Variants in KCND3 observed in about 807,000 individuals in gnomAD.
KCND3 encodes A-type voltage-gated potassium channel KCND3.
In KCND3, 9 loss-of-function variants were observed where a neutral mutation model predicts 51.1. The observed-to-expected ratio is 0.18, with a 90% CI of 0.11 to 0.31. The LOEUF is 0.31. Ranked by LOEUF, KCND3 falls within the 10% of genes least tolerant of loss-of-function variation. The probability of loss-of-function intolerance (pLI) is 1.00; values close to 1 mark genes in which losing one functional copy is unlikely to be tolerated. For synonymous variants in KCND3, 349 were observed against 368.0 expected (o/e 0.95, Z 0.59); for missense variants, 526 against 903.8 (o/e 0.58, Z 5.36).
chr1:111,858,940 T>C (rs1156477190), intron 2 of KCND3, among the ~76,000 whole-genome samples: 3 of 152,220 alleles, frequency 2.0e-5, no homozygotes, highest in African/African-American at 7.2e-5. Context: ...GCTAACTTTA[T>C]TCAGATCTTT....
At chr1:111,837,643 G>A (rs980740579) in intron 2 of KCND3, among the ~76,000 whole-genome samples, 31 of 152,288 alleles carry the variant, frequency 2.0e-4, no homozygotes, top group African/African-American at 7.5e-4. Flanking sequence ...AGACTCCCAA[G>A]GGCCGTCGAT....
intron 2 of KCND3, among the ~76,000 whole-genome samples, chr1:111,868,612 A>G (rs1668691172): frequency 6.6e-6 from 1 of 152,240 alleles, no homozygotes; most frequent in Non-Finnish European, 1.5e-5. Flanking sequence ...ACCATTTATT[A>G]AGCATTTACT....
At chr1:111,959,871 C>T (rs1449888004) in intron 2 of KCND3, among the ~76,000 whole-genome samples, 1 of 152,084 alleles carries the variant, frequency 6.6e-6, no homozygotes, top group African/African-American at 2.4e-5. Flanking sequence ...CCGTAATCCC[C>T]ATATGTTGTG....
intron 2 of KCND3, among the ~76,000 whole-genome samples, chr1:111,938,442 A>G (rs1672323511): frequency 6.6e-6 from 1 of 152,224 alleles, no homozygotes; most frequent in Admixed American, 6.5e-5. Context: ...GAAATAAAGC[A>G]GTGAAGTCCC....
intron 2 of KCND3, among the ~76,000 whole-genome samples, chr1:111,831,204 C>T (rs531158438): frequency 6.6e-6 from 1 of 152,150 alleles, no homozygotes; most frequent in Non-Finnish European, 1.5e-5. Flanking sequence ...TCCTGAATGC[C>T]TTTACCTTTT....
At chr1:111,985,249 C>T (rs890262048) in intron 1 of KCND3, among the ~76,000 whole-genome samples, 5 of 152,130 alleles carry the variant, frequency 3.3e-5, no homozygotes, top group African/African-American at 9.7e-5. Flanking sequence ...TTACATGGAG[C>T]GTCTCAAGAG....
intron 2 of KCND3, among the ~76,000 whole-genome samples, chr1:111,828,111 C>T (rs147087020): frequency 1.3e-5 from 2 of 152,288 alleles, no homozygotes; most frequent in African/African-American, 4.8e-5. Context: ...CGCTCTGCCC[C>T]AAGCAGCAGC....
At chr1:111,868,898 C>T (rs1051482379) in intron 2 of KCND3, among the ~76,000 whole-genome samples, 2 of 152,152 alleles carry the variant, frequency 1.3e-5, no homozygotes, top group African/African-American at 4.8e-5. Context: ...CATGTGCCAC[C>T]ACATCCAGTT....
At chr1:111,927,593 C>A (rs61788924) in intron 2 of KCND3, among the ~76,000 whole-genome samples, 1 of 152,212 alleles carries the variant, frequency 6.6e-6, no homozygotes, top group African/African-American at 2.4e-5. Flanking sequence ...ATGTGAGTGA[C>A]AATGCTTATA....
intron 2 of KCND3, among the ~76,000 whole-genome samples, chr1:111,876,347 G>C (rs1346753293): frequency 2.2e-5 from 3 of 138,374 alleles, no homozygotes; most frequent in African/African-American, 8.1e-5. Context: ...GGCCCAGTGC[G>C]ACTCAGTGGC....
chr1:111,984,179 C>T (rs959669058), intron 1 of KCND3, among the ~76,000 whole-genome samples: 10 of 152,156 alleles, frequency 6.6e-5, no homozygotes, highest in Admixed American at 2.0e-4. Flanking sequence ...TTCTGTTACA[C>T]GAAGACTTGT....
At chr1:111,853,783 T>C (rs893146234) in intron 2 of KCND3, 2 of 152,220 alleles carry the variant, frequency 1.3e-5, no homozygotes, top group South Asian at 2.1e-4. Context: ...TAACGGTTTA[T>C]TGAATGAATA....
chr1:111,976,692 T>C lies in KCND3; in HGVS notation c.1106+4929A>G, dbSNP rs549980689. On this transcript the variant is annotated intron_variant, in intron 2 of 7. Coordinates refer to ENST00000302127, the MANE Select transcript of KCND3 (RefSeq NM_001378969.1). ...GGGCTACAAGAGGAGGCAAGAGAAG[T>C]GTACCCAGCTCCTGGAGGTGACGTG... 3.9e-5 allele frequency among the ~76,000 whole-genome samples: 6 copies of C among 152,268 alleles called. No individual in the cohort carries two copies. In the South Asian group the frequency reaches 1.0e-3, roughly 26 times the overall value.
intron 6 of KCND3, 113 bp downstream of exon 6, chr1:111,778,323 A>G: frequency 2.0e-6 from 2 of 987,256 alleles, no homozygotes; most frequent in South Asian, 1.3e-5. Flanking sequence ...GAGGAGCCCC[A>G]GAAGAATCAG....
At chr1:111,864,653 C>A (rs1204266112) in intron 2 of KCND3, among the ~76,000 whole-genome samples, 1 of 152,192 alleles carries the variant, frequency 6.6e-6, no homozygotes, top group Non-Finnish European at 1.5e-5. Flanking sequence ...TGCACTTTTG[C>A]TCCACTAAGG....
intron 2 of KCND3, among the ~76,000 whole-genome samples, chr1:111,865,115 G>C (rs1668499938): frequency 6.6e-6 from 1 of 152,146 alleles, no homozygotes; most frequent in East Asian, 1.9e-4. Context: ...AGGTAGAGGT[G>C]GGTGAACCAT....
At chr1:111,815,964 G>T (rs185117512) in intron 2 of KCND3, among the ~76,000 whole-genome samples, 2 of 152,128 alleles carry the variant, frequency 1.3e-5, no homozygotes, top group African/African-American at 4.8e-5. Context: ...AGGACCCCGG[G>T]GAGGAAATAA....
At chr1:111,927,521 C>T (rs1214544446) in intron 2 of KCND3, among the ~76,000 whole-genome samples, 2 of 152,250 alleles carry the variant, frequency 1.3e-5, no homozygotes, top group Non-Finnish European at 2.9e-5. Flanking sequence ...GGTGAAAGGG[C>T]AAGTCACTAC....
chr1:111,860,187 A>C (rs772395837), intron 2 of KCND3, among the ~76,000 whole-genome samples: 9 of 152,254 alleles, frequency 5.9e-5, no homozygotes, highest in Non-Finnish European at 8.8e-5. Context: ...CCAGTGCTCT[A>C]AAAGGTAAGT....
Sources: gnomAD v4.1 joint callset for allele counts (sites outside exome capture counted in the v4.1 genomes callset) on GRCh38, gnomAD v4.1.1 for gene constraint, MANE v1.5 for transcripts, NCBI Gene and HGNC (gene_info 2026-07-23, HGNC 2026-07-21) for gene names.